HOMER1: variants seen among roughly 807,000 people sequenced by gnomAD.
The protein encoded by HOMER1 is homer protein homolog 1.
Under a neutral mutation model 48.9 loss-of-function variants are expected in HOMER1, and 3 were observed. That is an observed-to-expected ratio of 0.06 (90% CI 0.03 to 0.16). The LOEUF (loss-of-function observed/expected upper bound fraction) is 0.16, where lower values mean the gene tolerates loss of function less well. Among genes scored for constraint, HOMER1 ranks in the 10% least tolerant of loss-of-function variants. The probability of loss-of-function intolerance (pLI) is 1.00; values close to 1 mark genes in which losing one functional copy is unlikely to be tolerated. For missense variants in HOMER1, 247 were observed against 411.4 expected (o/e 0.60, Z 3.46); for synonymous variants, 134 against 146.4 (o/e 0.92, Z 0.61).
intron 5 of HOMER1, among the ~76,000 whole-genome samples, chr5:79,422,583 T>G (rs1222858883): frequency 1.3e-5 from 2 of 151,072 alleles, no homozygotes; most frequent in African/African-American, 4.9e-5. Flanking sequence ...AGAAATTGTA[T>G]CCATTCTACT....
In HOMER1 at chr5:79,422,827, C is replaced by CTTT. The variant is rs556704839; in HGVS notation, c.527+16180_527+16182dup. Among the ~76,000 whole-genome samples, 793 of 121,548 alleles carry CTTT rather than the reference C, an allele frequency of 6.5e-3. 8 individuals are homozygous for CTTT. The highest frequency in any genetic ancestry group is 0.021 in the African/African-American group (725 of 33,986). 79.7% of individuals were successfully genotyped at this position (121,548 alleles called of 152,430 possible). A position where few individuals can be genotyped will look rare whatever the true frequency, so the allele number is the denominator to read the frequency against. Reference sequence around the variant, plus strand: ...TAAATGGACTCTTAAAAGATGATCTCTTTTTTTTTTTTTTTTTTTGGCTAG... The same window carrying CTTT: ...TAAATGGACTCTTAAAAGATGATCTCTTTTTTTTTTTTTTTTTTTTTTGGCTAG... On this transcript the variant is annotated intron_variant, in intron 5 of 8. Transcript: ENST00000334082.
intron 1 of HOMER1, among the ~76,000 whole-genome samples, chr5:79,460,322 C>T (rs1751285745): frequency 6.6e-6 from 1 of 152,160 alleles, no homozygotes; most frequent in South Asian, 2.1e-4. Context: ...TGGTGCACAC[C>T]TGTAGTCCCA....
intron 3 of HOMER1, among the ~76,000 whole-genome samples, chr5:79,449,479 T>C (rs965085166): frequency 2.6e-5 from 4 of 152,146 alleles, no homozygotes; most frequent in Non-Finnish European, 4.4e-5. Context: ...TTGTTTGTTG[T>C]TGTTGTTTTT....
At chr5:79,447,549 T>C (rs1161200433) in intron 3 of HOMER1, among the ~76,000 whole-genome samples, 1 of 152,208 alleles carries the variant, frequency 6.6e-6, no homozygotes, top group African/African-American at 2.4e-5. Context: ...CATCACAGTA[T>C]TTAGAAAATG....
chr5:79,445,455 TATTTAA>T (rs1750849638), intron 4 of HOMER1, among the ~76,000 whole-genome samples: 1 of 152,228 alleles, frequency 6.6e-6, no homozygotes. Flanking sequence ...AAAATGTAAC[TATTTAA>T]TCAACTTTAC....
At position 79,373,391 on chromosome 5, in the gene HOMER1, G is replaced by C. The variant is rs1175866473; in HGVS notation, c.*2618C>G. Reference sequence around the variant, plus strand: ...CAATGGGATCAACCTCCTCCTCCATGTCGCTTCAAGTCCACATGTTCAGGC... The same window carrying C: ...CAATGGGATCAACCTCCTCCTCCATCTCGCTTCAAGTCCACATGTTCAGGC... On this transcript the variant is annotated 3_prime_UTR_variant, in exon 9 of 9. Transcript: ENST00000334082. 6.6e-6 allele frequency: 1 copy of C among 150,766 alleles called. No homozygotes were observed. Among genetic ancestry groups the C allele is most frequent in the Non-Finnish European group, 1.5e-5 (1 of 67,808 alleles). The allele number at this position is 150,766 out of a possible 1,614,324, so 9.3% of individuals were successfully genotyped here.
chr5:79,487,459 AG>A (rs1021092714), intron 1 of HOMER1, among the ~76,000 whole-genome samples: 1 of 152,192 alleles, frequency 6.6e-6, no homozygotes, highest in Admixed American at 6.5e-5. Flanking sequence ...ATAGCTTGGG[AG>A]GAAAAAAAGT....
At chr5:79,414,402 C>G (rs868720890) in intron 5 of HOMER1, among the ~76,000 whole-genome samples, 3 of 149,274 alleles carry the variant, frequency 2.0e-5, no homozygotes, top group African/African-American at 7.4e-5. Context: ...TTTTTAGAGA[C>G]AGGATCTCCC....
At chr5:79,399,551 T>A (rs1749481270) in intron 6 of HOMER1, among the ~76,000 whole-genome samples, 1 of 152,200 alleles carries the variant, frequency 6.6e-6, no homozygotes, top group African/African-American at 2.4e-5. Context: ...TAGGACAATG[T>A]GATTTACCCT....
intron 5 of HOMER1, among the ~76,000 whole-genome samples, chr5:79,421,590 A>G (rs1750100648): frequency 6.6e-6 from 1 of 151,360 alleles, no homozygotes. Flanking sequence ...ACACACACAC[A>G]CTAAACCCTG....
chr5:79,480,957 G>A (rs1275562543), intron 1 of HOMER1, among the ~76,000 whole-genome samples: 1 of 152,130 alleles, frequency 6.6e-6, no homozygotes, highest in African/African-American at 2.4e-5. Context: ...AAAGAAACAG[G>A]AGTACAAAAA....
chr5:79,499,893 G>T (rs1432053929), intron 1 of HOMER1, among the ~76,000 whole-genome samples: 1 of 152,096 alleles, frequency 6.6e-6, no homozygotes, highest in Non-Finnish European at 1.5e-5. Flanking sequence ...CACGGTTCTT[G>T]CATATTTTTC....
At chr5:79,475,340 C>T (rs1451593262) in intron 1 of HOMER1, among the ~76,000 whole-genome samples, 1 of 149,918 alleles carries the variant, frequency 6.7e-6, no homozygotes. Flanking sequence ...ATTTTATCAT[C>T]TAAACCTGAC....
At chr5:79,379,096 ATATATATATATATATAT>A (rs1748860780) in intron 8 of HOMER1, among the ~76,000 whole-genome samples, 1 of 58,464 alleles carries the variant, frequency 1.7e-5, no homozygotes, top group South Asian at 4.3e-4. Context: ...ATATATATAT[ATATATATATATATATAT>A]AAAATATATA....
intron 5 of HOMER1, among the ~76,000 whole-genome samples, chr5:79,432,175 C>T (rs1750444171): frequency 6.6e-6 from 1 of 152,176 alleles, no homozygotes; most frequent in South Asian, 2.1e-4. Flanking sequence ...GAAAGATGGC[C>T]AAATCCAAAG....
intron 4 of HOMER1, among the ~76,000 whole-genome samples, chr5:79,443,081 C>T (rs1750779126): frequency 6.6e-6 from 1 of 152,188 alleles, no homozygotes; most frequent in Admixed American, 6.5e-5. Context: ...CCACCAGCTG[C>T]ATCAAATGCT....
intron 2 of HOMER1, among the ~76,000 whole-genome samples, chr5:79,452,171 T>C (rs1445350698): frequency 6.6e-6 from 1 of 152,218 alleles, no homozygotes; most frequent in African/African-American, 2.4e-5. Context: ...CACGTATAAG[T>C]GAACCTGCAT....
intron 8 of HOMER1, among the ~76,000 whole-genome samples, chr5:79,381,293 C>A (rs184045479): frequency 2.0e-5 from 3 of 152,192 alleles, no homozygotes; most frequent in Admixed American, 1.3e-4. Context: ...TGAACACACT[C>A]GGAATCAAAG....
chr5:79,456,824 C>A lies in HOMER1; in HGVS notation c.162+38G>T, dbSNP rs372625306. On this transcript the variant is annotated intron_variant, in intron 2 of 8. Coordinates refer to ENST00000334082, the MANE Select transcript of HOMER1 (RefSeq NM_004272.5). Reference sequence around the variant, plus strand: ...AACTAAAATGTCATACTGAAAAAAGCAAAACCAGCCAAATCATTCAAAGTA... The same window carrying A: ...AACTAAAATGTCATACTGAAAAAAGAAAAACCAGCCAAATCATTCAAAGTA... The A allele has an allele frequency of 1.9e-6, 3 of 1,588,200 alleles. No homozygotes were observed. In the African/African-American group the frequency reaches 4.0e-5, roughly 21 times the overall value.
Sources: allele counts gnomAD v4.1 joint callset (sites outside exome capture counted in the v4.1 genomes callset), GRCh38; gene constraint gnomAD v4.1.1; transcripts MANE v1.5; gene names NCBI Gene and HGNC (gene_info 2026-07-23, HGNC 2026-07-21).